Variants in CCDC7 observed in about 807,000 individuals in gnomAD.
The protein encoded by CCDC7 is coiled-coil domain containing 7.
Under a neutral mutation model 196.9 loss-of-function variants are expected in CCDC7, and 183 were observed. The observed-to-expected ratio is 0.93, with a 90% CI of 0.82 to 1.05. The LOEUF (loss-of-function observed/expected upper bound fraction) is 1.05, where lower values mean the gene tolerates loss of function less well. Among genes scored for constraint, CCDC7 ranks in the 50% least tolerant of loss-of-function variants. The pLI is 0.00. For missense variants in CCDC7, 1,540 were observed against 1,482.2 expected, an observed-to-expected ratio of 1.04 and a Z score of -0.64; for synonymous variants, 525 against 484.6, an observed-to-expected ratio of 1.08 and a Z score of -1.10.
intron 41 of CCDC7, among the ~76,000 whole-genome samples, chr10:32,858,310 T>C (rs1229036259): frequency 6.6e-6 from 1 of 152,092 alleles, no homozygotes; most frequent in African/African-American, 2.4e-5. Flanking sequence ...CAGCATCACC[T>C]CAAGACGTAA....
At position 32,714,941 on chromosome 10, in the gene CCDC7, A is replaced by C. The variant is rs553657729; in HGVS notation, c.2569+3211A>C. On this transcript the variant is annotated intron_variant, in intron 25 of 41. Coordinates refer to ENST00000639629, the Ensembl canonical transcript of CCDC7. ...AACTCCCATCTCCCTGGGACAGAGC[A>C]TCTGGGGGAAGGGGTGGCTGTGGGC... Among the ~76,000 whole-genome samples, 1,201 of 152,324 alleles carry C rather than the reference A, an allele frequency of 7.9e-3. 6 individuals carry two copies. The highest frequency in any genetic ancestry group is 0.02 in the Middle Eastern group (6 of 294).
chr10:32,682,523 G>A (rs1375214432), intron 21 of CCDC7, among the ~76,000 whole-genome samples: 2 of 152,152 alleles, frequency 1.3e-5, no homozygotes, highest in Non-Finnish European at 2.9e-5. Flanking sequence ...CCCAGTAACG[G>A]GGTTGCTGGA....
chr10:32,607,797 G>A (rs1016636157), intron 18 of CCDC7, among the ~76,000 whole-genome samples: 2 of 151,882 alleles, frequency 1.3e-5, no homozygotes, highest in African/African-American at 4.8e-5. Context: ...CTTTTTTGTT[G>A]TATCTTTGGA....
chr10:32,652,454 G>C (rs1312113676), intron 20 of CCDC7, among the ~76,000 whole-genome samples: 2 of 151,784 alleles, frequency 1.3e-5, no homozygotes, highest in African/African-American at 2.4e-5. Context: ...ATATTTTGTT[G>C]CTAATTTTAC....
chr10:32,607,116 G>A (rs1038865365), intron 18 of CCDC7, among the ~76,000 whole-genome samples: 1 of 152,076 alleles, frequency 6.6e-6, no homozygotes, highest in Non-Finnish European at 1.5e-5. Flanking sequence ...AAAGTATGTG[G>A]CATCTCCCCT....
At chr10:32,585,854 T>C (rs894171361) in intron 18 of CCDC7, among the ~76,000 whole-genome samples, 1 of 152,150 alleles carries the variant, frequency 6.6e-6, no homozygotes, top group Non-Finnish European at 1.5e-5. Flanking sequence ...TGTGTCTTTA[T>C]AGTAAAATGA....
chr10:32,747,895 A>G (rs1022731122), intron 28 of CCDC7, among the ~76,000 whole-genome samples: 2 of 152,228 alleles, frequency 1.3e-5, no homozygotes, highest in East Asian at 3.8e-4. Context: ...TCATCCTACC[A>G]TAAAGACACA....
intron 29 of CCDC7, among the ~76,000 whole-genome samples, chr10:32,800,953 T>G (rs528924950): frequency 6.6e-6 from 1 of 152,366 alleles, no homozygotes; most frequent in East Asian, 1.9e-4. Flanking sequence ...GAGCTCTACA[T>G]GAGTCAGACT....
chr10:32,701,420 A>G (rs1208934987), intron 24 of CCDC7, among the ~76,000 whole-genome samples: 1 of 152,200 alleles, frequency 6.6e-6, no homozygotes, highest in Non-Finnish European at 1.5e-5. Context: ...TCAGTTTGCC[A>G]GTATTTTATT....
chr10:32,662,929 G>A (rs1002609072), intron 20 of CCDC7, among the ~76,000 whole-genome samples: 4 of 152,144 alleles, frequency 2.6e-5, no homozygotes, highest in African/African-American at 9.7e-5. Context: ...GCACTTTGGA[G>A]GTGACTGGAA....
intron 18 of CCDC7, among the ~76,000 whole-genome samples, chr10:32,627,651 A>G (rs184648071): frequency 3.3e-5 from 5 of 151,992 alleles, no homozygotes; most frequent in Admixed American, 2.6e-4. Flanking sequence ...AAGGCTTGTC[A>G]TATATGGCCT....
chr10:32,856,394 G>C (rs1469268049), intron 41 of CCDC7, among the ~76,000 whole-genome samples: 3 of 152,070 alleles, frequency 2.0e-5, no homozygotes. Context: ...TTTAAAATGG[G>C]CATAGGCCAG....
chr10:32,517,907 T>C, intron 9 of CCDC7, 38 bp from the exon 11 acceptor site: 1 of 1,569,612 alleles, frequency 6.4e-7, no homozygotes, highest in Non-Finnish European at 8.6e-7. Context: ...AATATAAATG[T>C]ACAATTATAA....
intron 30 of CCDC7, 57 bp from the exon 32 acceptor site, chr10:32,814,313 C>A: frequency 1.7e-6 from 2 of 1,194,720 alleles, no homozygotes; most frequent in African/African-American, 1.5e-5. Flanking sequence ...CTCACACTGT[C>A]ACATTTGTGT....
At chr10:32,736,712 A>C (rs980233883) in intron 28 of CCDC7, among the ~76,000 whole-genome samples, 2 of 152,066 alleles carry the variant, frequency 1.3e-5, no homozygotes, top group Non-Finnish European at 2.9e-5. Context: ...TTGAAATATC[A>C]CTTGTTCTTT....
chr10:32,553,386 T>G (rs546233390), intron 13 of CCDC7, among the ~76,000 whole-genome samples: 6 of 152,326 alleles, frequency 3.9e-5, no homozygotes, highest in Admixed American at 2.0e-4. Flanking sequence ...CCTCCCTTAA[T>G]AACTAACCTC....
chr10:32,583,404 T>C, intron 17 of CCDC7, 97 bp downstream of exon 18: 1 of 809,984 alleles, frequency 1.2e-6, no homozygotes, highest in Non-Finnish European at 1.7e-6. Flanking sequence ...ATTCAATATT[T>C]TCTTATTTCA....
chr10:32,778,211 T>C (rs902342114), intron 28 of CCDC7, among the ~76,000 whole-genome samples: 1 of 152,230 alleles, frequency 6.6e-6, no homozygotes, highest in Non-Finnish European at 1.5e-5. Context: ...TGTCAATTTC[T>C]GTTTTTATTG....
chr10:32,670,768 G>T (rs1332598039), intron 21 of CCDC7, among the ~76,000 whole-genome samples: 1 of 151,582 alleles, frequency 6.6e-6, no homozygotes, highest in African/African-American at 2.4e-5. Context: ...CTTTTCTATT[G>T]TTTTTTTCTC....
Sources: allele counts gnomAD v4.1 joint callset (sites outside exome capture counted in the v4.1 genomes callset), GRCh38; gene constraint gnomAD v4.1.1; transcripts MANE v1.5; gene names NCBI Gene and HGNC (gene_info 2026-07-23, HGNC 2026-07-21).